The following RREB1 variants were observed in gnomAD, a reference collection of about 807,000 sequenced individuals.
The protein encoded by RREB1 is ras responsive element binding protein 1, also known as ras-responsive element-binding protein 1.
A neutral mutation model predicts 117.8 loss-of-function variants in RREB1; 27 were observed. The observed-to-expected ratio is 0.23, with a 90% CI of 0.17 to 0.32. RREB1 has a LOEUF of 0.32. RREB1 is among the 10% of genes least tolerant of loss of function. The pLI, the probability that RREB1 is intolerant of heterozygous loss-of-function variation, is 1.00. For synonymous variants in RREB1, 1,298 were observed against 1,026.7 expected, an observed-to-expected ratio of 1.26 and a Z score of -5.05; for missense variants, 2,577 against 2,378.2, an observed-to-expected ratio of 1.08 and a Z score of -1.74.
chr6:7,196,444 AG>A (rs2113576030), intron 6 of RREB1, among the ~76,000 whole-genome samples: 2 of 151,478 alleles, frequency 1.3e-5, no homozygotes, highest in East Asian at 3.9e-4. Context: ...CCTTTATCTT[AG>A]TTTTATAAGA....
chr6:7,141,262 C>A (rs1004686854), intron 1 of RREB1, among the ~76,000 whole-genome samples: 23 of 152,112 alleles, frequency 1.5e-4, no homozygotes, highest in Non-Finnish European at 2.9e-4. Context: ...GGTGTTCGTT[C>A]GCGCTGGCGT....
chr6:7,180,816 T>G (rs967921241), intron 2 of RREB1, among the ~76,000 whole-genome samples: 1 of 152,224 alleles, frequency 6.6e-6, no homozygotes, highest in Non-Finnish European at 1.5e-5. Context: ...TGCAAGGGAC[T>G]GAGGCACAGT....
At chr6:7,207,841 T>A (rs1766364691) in intron 6 of RREB1, among the ~76,000 whole-genome samples, 1 of 152,240 alleles carries the variant, frequency 6.6e-6, no homozygotes, top group Non-Finnish European at 1.5e-5. Context: ...GAACATGGAC[T>A]GATGTTATAA....
Position 7,211,648 on chromosome 6 carries a change from G to A in RREB1, c.646G>A (p.Glu216Lys). 6.2e-7 allele frequency: 1 copy of A among 1,614,058 alleles called. No homozygotes were observed. Among genetic ancestry groups the A allele is most frequent in the South Asian group, 1.1e-5 (1 of 91,074 alleles). ...EVFHCPVCFKEFVCKYGLETH... is the reference protein window; with the variant it reads ...EVFHCPVCFKKFVCKYGLETH... ...CTTTCACTGCCCAGTATGTTTCAAG[G>A]AGTTTGTTTGCAAGTATGGACTGGA... Residue 216 changes from glutamate to lysine, a missense_variant, in exon 8 of 13, where the codon GAG (glutamate) becomes AAG (lysine). Physicochemically the swap from Glu to Lys is moderately conservative, Grantham distance 56. Transcript: ENST00000379938.
At chr6:7,161,116 G>A (rs901543727) in intron 1 of RREB1, among the ~76,000 whole-genome samples, 1 of 152,102 alleles carries the variant, frequency 6.6e-6, no homozygotes, top group Admixed American at 6.6e-5. Flanking sequence ...CAGGTGTGAG[G>A]CACAGTGTCC....
rs758649542 is a variant in RREB1, at chr6:7,231,211, G to A, written c.3112G>A (p.Gly1038Ser). The A allele has an allele frequency of 6.2e-7, 1 of 1,612,308 alleles. No homozygotes were observed. The highest frequency in any genetic ancestry group is 8.5e-7 in the Non-Finnish European group (1 of 1,179,694). The change falls in exon 10 of 13, where the codon GGC (glycine) becomes AGC (serine). Residue 1038 changes from glycine to serine, a missense_variant. Transcript: ENST00000379938. The part of the protein sequence containing the change: ...PLVGSSALLS[G>S]TALLRPLRPK... ...CGTGGGCAGCTCAGCCCTCCTGAGT[G>A]GCACAGCCTTGCTGCGTCCACTGCG...
At chr6:7,228,641 G>T (rs1767729049) in intron 9 of RREB1, among the ~76,000 whole-genome samples, 1 of 151,268 alleles carries the variant, frequency 6.6e-6, no homozygotes, top group Non-Finnish European at 1.5e-5. Flanking sequence ...CAATAGCTAG[G>T]ACACAGGCAT....
Position 7,231,013 on chromosome 6 carries a change from T to G in RREB1, c.2914T>G (p.Cys972Gly). 1 of 1,614,054 alleles carries G rather than the reference T, an allele frequency of 6.2e-7. No homozygotes were observed. Among genetic ancestry groups the G allele is most frequent in the Non-Finnish European group, 8.5e-7 (1 of 1,180,012 alleles). ...EAGSSEQPSP[C>G]PAPGPSLPVT... The stretch of plus-strand genomic sequence containing the variant: ...GGGGAGCAGCGAGCAGCCCTCTCCC[T>G]GCCCAGCACCCGGCCCTTCTCTTCC... Residue 972 changes from cysteine (C) to glycine (G), a missense_variant, in exon 10 of 13, where the codon TGC becomes GGC. Cys to Gly is a radical substitution (Grantham distance 159). Coordinates refer to ENST00000379938, the MANE Select transcript of RREB1 (RefSeq NM_001003699.4).
chr6:7,163,795 A>G (rs1763788591), intron 1 of RREB1, among the ~76,000 whole-genome samples: 1 of 152,242 alleles, frequency 6.6e-6, no homozygotes, highest in African/African-American at 2.4e-5. Flanking sequence ...GCAGAAGTAT[A>G]ATGAAGCATC....
chr6:7,135,163 AAAAGATATACTTCACAC>A (rs1762300300), intron 1 of RREB1, among the ~76,000 whole-genome samples: 1 of 152,232 alleles, frequency 6.6e-6, no homozygotes, highest in Non-Finnish European at 1.5e-5. Flanking sequence ...TTAAAACAGA[AAAAGATATACTTCACAC>A]CTTGGTTTTT....
chr6:7,195,609 GT>G (rs1327707745), intron 6 of RREB1, among the ~76,000 whole-genome samples: 2 of 152,230 alleles, frequency 1.3e-5, no homozygotes, highest in Admixed American at 6.5e-5. Flanking sequence ...ATCTGTGAGA[GT>G]TTAGTGCTTA....
intron 8 of RREB1, among the ~76,000 whole-genome samples, chr6:7,223,257 T>TTAAAA (rs1244799014): frequency 1.5e-4 from 15 of 97,280 alleles, no homozygotes; most frequent in Non-Finnish European, 2.6e-4. Context: ...ACTCTCTTTT[T>TTAAAA]AAAAAAAAAA....
chr6:7,157,568 C>G (rs948597722), intron 1 of RREB1, among the ~76,000 whole-genome samples: 2 of 150,498 alleles, frequency 1.3e-5, no homozygotes, highest in Non-Finnish European at 3.0e-5. Flanking sequence ...CCCAGGAGTT[C>G]GAGACCAGCC....
intron 4 of RREB1, 58 bp downstream of exon 4, chr6:7,182,140 A>G (rs1376689675): frequency 7.0e-7 from 1 of 1,425,666 alleles, no homozygotes; most frequent in Non-Finnish European, 9.7e-7. Context: ...GAACATTGGG[A>G]GATGTTTCCG....
At chr6:7,223,018 G>C (rs1767351506) in intron 8 of RREB1, among the ~76,000 whole-genome samples, 1 of 152,080 alleles carries the variant, frequency 6.6e-6, no homozygotes, top group Non-Finnish European at 1.5e-5. Flanking sequence ...ACTTTGGGAG[G>C]CCAATTCAGG....
intron 1 of RREB1, among the ~76,000 whole-genome samples, chr6:7,115,894 A>C (rs913087811): frequency 3.3e-5 from 5 of 152,038 alleles, no homozygotes; most frequent in African/African-American, 1.2e-4. Flanking sequence ...TGCCGTCCTG[A>C]CGTATGTCTG....
chr6:7,188,031 TG>T (rs1765175787), intron 5 of RREB1, among the ~76,000 whole-genome samples: 1 of 152,042 alleles, frequency 6.6e-6, no homozygotes, highest in Admixed American at 6.6e-5. Context: ...TAGCCAGGCA[TG>T]GTGGCATGCA....
rs1561814463 is a variant in RREB1, at chr6:7,251,582, A to G, written c.*2614A>G. 6.6e-6 allele frequency: 1 copy of G among 151,286 alleles called. No homozygotes were observed. The highest frequency in any genetic ancestry group is 1.5e-5 in the Non-Finnish European group (1 of 67,902). 9.4% of individuals were successfully genotyped at this position (151,286 alleles called of 1,614,324 possible). On this transcript the variant is annotated 3_prime_UTR_variant, in exon 13 of 13. Coordinates refer to ENST00000379938, the MANE Select transcript of RREB1 (RefSeq NM_001003699.4). Reference sequence around the variant, plus strand: ...AACACCTGGCTGTGAAAACAAAACAACCCAGAGGGCTGTGTTCCAAGCAGC... The same window carrying G: ...AACACCTGGCTGTGAAAACAAAACAGCCCAGAGGGCTGTGTTCCAAGCAGC...
chr6:7,217,141 C>T (rs567779635), intron 8 of RREB1: 2 of 152,390 alleles, frequency 1.3e-5, no homozygotes, highest in South Asian at 4.1e-4. Context: ...TGTCGGATGT[C>T]AGTTCTCTGC....
Sources: allele counts gnomAD v4.1 joint callset (sites outside exome capture counted in the v4.1 genomes callset), GRCh38; gene constraint gnomAD v4.1.1; transcripts MANE v1.5; gene names NCBI Gene and HGNC (gene_info 2026-07-23, HGNC 2026-07-21).